MCPH1: variants seen among roughly 807,000 people sequenced by gnomAD.
MCPH1 encodes the protein microcephalin.
Under a neutral mutation model 84.5 loss-of-function variants are expected in MCPH1, and 104 were observed. The observed-to-expected ratio is 1.23, with a 90% CI of 1.05 to 1.45. The LOEUF (loss-of-function observed/expected upper bound fraction) is 1.45, where lower values mean the gene tolerates loss of function less well. Ranked by LOEUF, MCPH1 falls within the 40% of genes most tolerant of loss-of-function variation. The pLI is 0.00. For missense variants in MCPH1, 1,498 were observed against 1,005.7 expected, an observed-to-expected ratio of 1.49 and a Z score of -6.62; for synonymous variants, 514 against 366.8, an observed-to-expected ratio of 1.40 and a Z score of -4.58.
At chr8:6,631,913 T>C (rs774414157) in intron 13 of MCPH1, among the ~76,000 whole-genome samples, 2 of 152,230 alleles carry the variant, frequency 1.3e-5, no homozygotes, top group African/African-American at 2.4e-5. Context: ...TTGTTCACAA[T>C]AGCCAAAAGG....
chr8:6,474,034 C>G, intron 9 of MCPH1: 1 of 833,836 alleles, frequency 1.2e-6, no homozygotes, highest in Non-Finnish European at 2.1e-6. Context: ...CATTATAACC[C>G]CTCATTTGAA....
chr8:6,494,838 G>A (rs771626616), intron 11 of MCPH1, among the ~76,000 whole-genome samples: 89 of 152,258 alleles, frequency 5.8e-4, no homozygotes, highest in Middle Eastern at 3.4e-3. Context: ...TGGTTGCACA[G>A]CATCATGATA....
At chr8:6,541,187 G>A (rs889583694) in intron 12 of MCPH1, among the ~76,000 whole-genome samples, 1 of 152,184 alleles carries the variant, frequency 6.6e-6, no homozygotes, top group African/African-American at 2.4e-5. Context: ...AGCACAAGAG[G>A]GTGAATTCTG....
At chr8:6,412,107 A>G (rs1282394721) in intron 2 of MCPH1, among the ~76,000 whole-genome samples, 4 of 152,280 alleles carry the variant, frequency 2.6e-5, no homozygotes, top group African/African-American at 9.6e-5. Flanking sequence ...ATACCCTAAG[A>G]GCCTTGTTTG....
intron 13 of MCPH1, chr8:6,625,201 AT>A (rs1831942069): frequency 1.0e-6 from 1 of 985,272 alleles, no homozygotes; most frequent in Non-Finnish European, 1.2e-6. Flanking sequence ...TGTGGAATGC[AT>A]TTACTTCATG....
At position 6,493,405 on chromosome 8, in the gene MCPH1, G is replaced by A. The variant is rs189799482; in HGVS notation, c.2137-6447G>A. Among the ~76,000 whole-genome samples, 5 of 152,286 alleles carry A rather than the reference G, an allele frequency of 3.3e-5. No individual in the cohort carries two copies. The East Asian group carries it at 7.7e-4, about 24-fold the overall frequency. ...TCAAGCCTAGGTCAACATGCAGCTTGTTTTCCCTCTCACCACCTGGAATTC... is the reference window on the plus strand; with the variant it reads ...TCAAGCCTAGGTCAACATGCAGCTTATTTTCCCTCTCACCACCTGGAATTC... On this transcript the variant is annotated intron_variant, in intron 11 of 13. Coordinates refer to ENST00000344683, the MANE Select transcript of MCPH1 (RefSeq NM_024596.5).
At chr8:6,563,546 C>A (rs1051441426) in intron 12 of MCPH1, 1 of 152,198 alleles carries the variant, frequency 6.6e-6, no homozygotes, top group Non-Finnish European at 1.5e-5. Flanking sequence ...TTTTGCCGTG[C>A]TAAGCTGGCA....
intron 12 of MCPH1, among the ~76,000 whole-genome samples, chr8:6,551,226 G>A (rs1253995645): frequency 4.1e-5 from 6 of 148,028 alleles, no homozygotes; most frequent in East Asian, 3.9e-4. Flanking sequence ...CTGCTTATTC[G>A]TGATTTTTTT....
At chr8:6,425,192 A>G (rs1273227935) in intron 3 of MCPH1, among the ~76,000 whole-genome samples, 3 of 152,216 alleles carry the variant, frequency 2.0e-5, no homozygotes, top group Non-Finnish European at 4.4e-5. Context: ...CCCGAGGAGA[A>G]CGTTGCTGCT....
intron 4 of MCPH1, among the ~76,000 whole-genome samples, chr8:6,435,242 C>A (rs1015710674): frequency 1.3e-5 from 2 of 152,076 alleles, no homozygotes; most frequent in Admixed American, 6.5e-5. Context: ...TGTGGTCTTG[C>A]AGGGAGGATG....
intron 12 of MCPH1, among the ~76,000 whole-genome samples, chr8:6,575,287 T>A (rs1404143095): frequency 1.3e-5 from 2 of 152,246 alleles, no homozygotes; most frequent in Non-Finnish European, 2.9e-5. Flanking sequence ...AACAGCTGTA[T>A]AAATTGCATA....
chr8:6,515,016 A>G (rs1815975359), intron 12 of MCPH1, among the ~76,000 whole-genome samples: 1 of 152,228 alleles, frequency 6.6e-6, no homozygotes, highest in South Asian at 2.1e-4. Flanking sequence ...AGTGTTGATG[A>G]GAATATGACT....
At chr8:6,547,023 G>A (rs1206386732) in intron 12 of MCPH1, among the ~76,000 whole-genome samples, 1 of 152,076 alleles carries the variant, frequency 6.6e-6, no homozygotes, top group Non-Finnish European at 1.5e-5. Flanking sequence ...CGGAAGAAGC[G>A]TTCTCAGAGC....
chr8:6,486,485 G>A (rs1336772164), intron 11 of MCPH1, among the ~76,000 whole-genome samples: 2 of 152,154 alleles, frequency 1.3e-5, no homozygotes, highest in African/African-American at 4.8e-5. Flanking sequence ...GAGATTTGTA[G>A]CAGTTCTTCA....
chr8:6,570,428 T>G (rs2922843), intron 12 of MCPH1, among the ~76,000 whole-genome samples: 22,650 of 152,160 alleles, frequency 0.15, 2,800 homozygotes, highest in African/African-American at 0.34. Flanking sequence ...CTCTTTGCCA[T>G]ATGTGTTTTC....
intron 12 of MCPH1, among the ~76,000 whole-genome samples, chr8:6,511,416 G>C (rs563992821): frequency 1.4e-4 from 21 of 152,208 alleles, no homozygotes; most frequent in African/African-American, 5.1e-4. Flanking sequence ...TGTGTGAAAA[G>C]TGATGAATTT....
chr8:6,505,976 T>TTATATA (rs66835122), intron 12 of MCPH1, among the ~76,000 whole-genome samples: 29 of 588 alleles, frequency 0.049, 9 homozygotes, highest in East Asian at 0.1. Context: ...TACATATTCT[T>TTATATA]TGTATATATA....
intron 12 of MCPH1, chr8:6,503,359 G>A: frequency 7.8e-7 from 1 of 1,286,990 alleles, no homozygotes; most frequent in Non-Finnish European, 1.1e-6. Flanking sequence ...CACACTGCAG[G>A]CGTGTGGAGT....
intron 12 of MCPH1, among the ~76,000 whole-genome samples, chr8:6,585,231 G>C (rs916981595): frequency 2.6e-5 from 4 of 152,212 alleles, no homozygotes; most frequent in Non-Finnish European, 5.9e-5. Context: ...AGAGGAGCTG[G>C]GGTCTCACTA....
Sources: allele counts gnomAD v4.1 joint callset (sites outside exome capture counted in the v4.1 genomes callset), GRCh38; gene constraint gnomAD v4.1.1; transcripts MANE v1.5; gene names NCBI Gene and HGNC (gene_info 2026-07-23, HGNC 2026-07-21).